The following LRCOL1 variants were observed in gnomAD, a reference collection of about 807,000 sequenced individuals.
The protein encoded by LRCOL1 is leucine-rich colipase-like protein 1.
In LRCOL1, 21 loss-of-function variants were observed where a neutral mutation model predicts 21.6. The observed-to-expected ratio is 0.97, with a 90% CI of 0.69 to 1.40. LRCOL1 has a LOEUF of 1.40. LRCOL1 is among the 40% of genes most tolerant of loss of function. The probability of loss-of-function intolerance (pLI) is 0.00; values close to 1 mark genes in which losing one functional copy is unlikely to be tolerated. For missense variants in LRCOL1, 198 were observed against 202.3 expected, an observed-to-expected ratio of 0.98 and a Z score of 0.13; for synonymous variants, 98 against 90.1, an observed-to-expected ratio of 1.09 and a Z score of -0.49.
At chr12:132,605,022 A>C in intron 2 of LRCOL1, 191 bp from the exon 3 acceptor site, 1 of 1,420,012 alleles carries the variant, frequency 7.0e-7, no homozygotes, top group Non-Finnish European at 9.2e-7. Flanking sequence ...CCCGGGGCTG[A>C]GAAAGGGAAT....
intron 2 of LRCOL1, chr12:132,605,692 G>A: frequency 6.5e-6 from 1 of 154,638 alleles, no homozygotes; most frequent in Non-Finnish European, 1.4e-5. Context: ...TCGTGCCACT[G>A]CACTCCAGCC....
rs2041309795 is a variant in LRCOL1, at chr12:132,606,268, C to T, written c.-13-4G>A. On this transcript the variant is annotated splice_polypyrimidine_tract_variant and splice_region_variant and intron_variant, in intron 1 of 5. Coordinates refer to ENST00000376608, the MANE Select transcript of LRCOL1 (RefSeq NM_001195520.2). This position sits in a 1 kb window ranked among gnomAD's most constrained non-coding sequence, Gnocchi z 4.6. ...GCCGGCCATCGGGTGTGTGGACCTG[C>T]AGAGACCCAGGATTGTGTGGGAGTG... 2.6e-6 allele frequency: 4 copies of T among 1,535,776 alleles called. No homozygotes were observed. The highest frequency in any genetic ancestry group is 3.5e-6 in the Non-Finnish European group (4 of 1,146,772).
At position 132,606,253 on chromosome 12, in the gene LRCOL1, G is replaced by A. The variant is rs149373766; in HGVS notation, c.-2C>T. ...CAGCGTCCACCCCGGGCCGGCCATCGGGTGTGTGGACCTGCAGAGACCCAG... is the reference window on the plus strand; with the variant it reads ...CAGCGTCCACCCCGGGCCGGCCATCAGGTGTGTGGACCTGCAGAGACCCAG... On this transcript the variant is annotated 5_prime_UTR_variant, in exon 2 of 6. Coordinates refer to ENST00000376608, the MANE Select transcript of LRCOL1 (RefSeq NM_001195520.2). The surrounding 1 kb of genome is among the most constrained non-coding windows in gnomAD (Gnocchi z 4.6). 414 of 1,536,282 alleles carry A rather than the reference G, an allele frequency of 2.7e-4. 3 individuals carry two copies. In the African/African-American group the frequency reaches 4.9e-3, roughly 18 times the overall value.
intron 1 of LRCOL1, among the ~76,000 whole-genome samples, chr12:132,608,482 T>A (rs1290652747): frequency 6.6e-6 from 1 of 152,258 alleles, no homozygotes; most frequent in African/African-American, 2.4e-5. Flanking sequence ...AAATGAGTCA[T>A]GTCGACACTT....
At chr12:132,607,896 T>C (rs182544485) in intron 1 of LRCOL1, among the ~76,000 whole-genome samples, 1,556 of 142,998 alleles carry the variant, frequency 0.011, 32 homozygotes, top group African/African-American at 0.041. Context: ...TCTCTGTCTC[T>C]CTGTCTCTCC....
At position 132,606,659 on chromosome 12, in the gene LRCOL1, A is replaced by G. The variant is rs963420547; in HGVS notation, c.-13-395T>C. 1.1e-4 allele frequency among the ~76,000 whole-genome samples: 16 copies of G among 152,074 alleles called. No homozygotes were observed. Among genetic ancestry groups the G allele is most frequent in the Admixed American group, 5.2e-4 (8 of 15,284 alleles). On this transcript the variant is annotated intron_variant, in intron 1 of 5. Coordinates refer to ENST00000376608, the MANE Select transcript of LRCOL1 (RefSeq NM_001195520.2). This position sits in a 1 kb window ranked among gnomAD's most constrained non-coding sequence, Gnocchi z 4.6. The stretch of plus-strand genomic sequence containing the variant: ...GCCATTTCAGTATCCTGCAAAGCCG[A>G]TCCGATGCCCTAAACATCCCCGTGC...
chr12:132,603,158 G>A lies in LRCOL1; in HGVS notation c.*244C>T. On this transcript the variant is annotated 3_prime_UTR_variant, in exon 6 of 6. Coordinates refer to ENST00000376608, the MANE Select transcript of LRCOL1 (RefSeq NM_001195520.2). ...GGGGTGAGACACGGCTGCTCAGTCGGCCAGGAGCCTTTATTGATGTTTAAC... is the reference window on the plus strand; with the variant it reads ...GGGGTGAGACACGGCTGCTCAGTCGACCAGGAGCCTTTATTGATGTTTAAC... The A allele has an allele frequency of 6.0e-6, 3 of 496,412 alleles. No homozygotes were observed. In the East Asian group the frequency reaches 9.9e-5, roughly 16 times the overall value. 30.8% of individuals were successfully genotyped at this position (496,412 alleles called of 1,614,324 possible).
chr12:132,609,127 G>A (rs936629410), intron 1 of LRCOL1, among the ~76,000 whole-genome samples: 6 of 152,212 alleles, frequency 3.9e-5, no homozygotes, highest in Admixed American at 1.3e-4. Context: ...AAGGCACCTC[G>A]GACCCAGGGG....
intron 5 of LRCOL1, 142 bp downstream of exon 5, chr12:132,604,112 C>T (rs1593648348): frequency 4.9e-6 from 7 of 1,433,322 alleles, no homozygotes; most frequent in South Asian, 3.0e-5. Context: ...GGTGAAGCGC[C>T]GGCCTCTCCC....
At chr12:132,603,511 G>T in intron 5 of LRCOL1, 107 bp from the exon 6 acceptor site, 6 of 1,533,706 alleles carry the variant, frequency 3.9e-6, no homozygotes, top group Non-Finnish European at 5.2e-6. Flanking sequence ...CACCAGCCTC[G>T]TGGGGGTCGG....
rs1593646945 is a variant in LRCOL1 at position 132,603,355 on chromosome 12, C to T, written c.*47G>A. The T allele has an allele frequency of 2.0e-6, 3 of 1,535,896 alleles. No homozygotes were observed. The highest frequency in any genetic ancestry group is 3.9e-5 in the Admixed American group (2 of 50,992). On this transcript the variant is annotated 3_prime_UTR_variant, in exon 6 of 6. Transcript: ENST00000376608. ...CCCGCGCAACGCGGTCCTGCGTGAACATCCCAGGGCCCAGGCCGGTCCCTC... is the reference window on the plus strand; with the variant it reads ...CCCGCGCAACGCGGTCCTGCGTGAATATCCCAGGGCCCAGGCCGGTCCCTC...
In LRCOL1 at chr12:132,603,973, C is replaced by T. The variant is rs1032237575; in HGVS notation, c.477+281G>A. 51 of 1,310,448 alleles carry T rather than the reference C, an allele frequency of 3.9e-5. No homozygotes were observed. The South Asian group carries it at 5.8e-4, about 15-fold the overall frequency. The allele number at this position is 1,310,448 out of a possible 1,614,324, so 81.2% of individuals were successfully genotyped here. On this transcript the variant is annotated intron_variant, in intron 5 of 5. Coordinates refer to ENST00000376608, the MANE Select transcript of LRCOL1 (RefSeq NM_001195520.2). ...ACCCCAGCTCCCACGGGGGATGGTC[C>T]TGGGTCCCCCTCCCCGCGGCTCCGC...
At chr12:132,603,461 C>T (rs2041252302) in intron 5 of LRCOL1, 57 bp from the exon 6 acceptor site, 6 of 1,535,896 alleles carry the variant, frequency 3.9e-6, no homozygotes, top group East Asian at 2.4e-5. Context: ...GAAGCGGCCG[C>T]GGAAGGAGGA....
In LRCOL1 at chr12:132,604,467, G is replaced by T. The variant is rs867958974; in HGVS notation, c.349C>A (p.Arg117Ser). The T allele has an allele frequency of 4.0e-5, 62 of 1,535,134 alleles. No homozygotes were observed. Among genetic ancestry groups the T allele is most frequent in the Non-Finnish European group, 4.7e-5 (54 of 1,146,234 alleles). The change falls in exon 4 of 6, where the codon CGC becomes AGC. Residue 117 changes from arginine to serine, a missense_variant. Transcript: ENST00000376608. The part of the protein sequence containing the change: ...QSVFLQCVPW[R>S]KPNGDFCSSH... ...CCCGGGTGCCCGCAGCTCACCTTGC[G>T]CCAGGGCACACACTGCAGGAAGACG...
intron 1 of LRCOL1, among the ~76,000 whole-genome samples, chr12:132,607,235 C>T (rs911551899): frequency 4.6e-5 from 7 of 152,164 alleles, no homozygotes; most frequent in South Asian, 4.1e-4. Context: ...CGGGCCCAGG[C>T]GGAGACGTCA....
chr12:132,604,264 C>A lies in LRCOL1; in HGVS notation c.467G>T (p.Cys156Phe). The A allele has an allele frequency of 2.6e-6, 4 of 1,534,310 alleles. No individual in the cohort carries two copies. The highest frequency in any genetic ancestry group is 3.5e-6 in the Non-Finnish European group (4 of 1,146,128). The change falls in exon 5 of 6, where the codon TGC becomes TTC. Residue 156 changes from cysteine to phenylalanine, a missense_variant. Cys to Phe is a radical substitution (Grantham distance 205). Coordinates refer to ENST00000376608, the MANE Select transcript of LRCOL1 (RefSeq NM_001195520.2). The part of the protein sequence containing the change: ...CIPRTGILAQ[C>F]LPL ...CCGCCCGGGACTTACCAGGGGCAGGCACTGGGCCAGGATCCCGGTCCGGGG... is the reference window on the plus strand; with the variant it reads ...CCGCCCGGGACTTACCAGGGGCAGGAACTGGGCCAGGATCCCGGTCCGGGG...
intron 5 of LRCOL1, 162 bp from the exon 6 acceptor site, chr12:132,603,566 A>G (rs992101132): frequency 1.0e-6 from 1 of 985,368 alleles, no homozygotes; most frequent in Non-Finnish European, 1.2e-6. Flanking sequence ...CGCGAGAGGG[A>G]CGCCCACGAG....
intron 1 of LRCOL1, among the ~76,000 whole-genome samples, chr12:132,607,550 C>T (rs1318881202): frequency 6.6e-6 from 1 of 152,192 alleles, no homozygotes; most frequent in Non-Finnish European, 1.5e-5. Context: ...CTCAGGGCTG[C>T]GCTAGGGCCA....
intron 1 of LRCOL1, among the ~76,000 whole-genome samples, chr12:132,608,448 G>C (rs2041339749): frequency 6.6e-6 from 1 of 152,256 alleles, no homozygotes; most frequent in Non-Finnish European, 1.5e-5. Context: ...CCTGGCACCT[G>C]ATCCTGGAGC....
Sources: allele counts gnomAD v4.1 joint callset (sites outside exome capture counted in the v4.1 genomes callset), GRCh38; gene constraint gnomAD v4.1.1; non-coding constraint Gnocchi (gnomAD v3.1); transcripts MANE v1.5; gene names NCBI Gene and HGNC (gene_info 2026-07-23, HGNC 2026-07-21).